Variants in TSNAXIP1 observed in about 807,000 individuals in gnomAD.
The protein encoded by TSNAXIP1 is translin-associated factor X-interacting protein 1.
A neutral mutation model predicts 84.8 loss-of-function variants in TSNAXIP1; 89 were observed. The observed-to-expected ratio is 1.05, with a 90% CI of 0.88 to 1.25. The LOEUF is 1.25. Among genes scored for constraint, TSNAXIP1 ranks in the 50% most tolerant of loss-of-function variants. The probability of loss-of-function intolerance (pLI) is 0.00; values close to 1 mark genes in which losing one functional copy is unlikely to be tolerated. For missense variants in TSNAXIP1, 874 were observed against 887.6 expected (o/e 0.98, Z 0.20); for synonymous variants, 347 against 335.2 (o/e 1.04, Z -0.39).
rs932174373 is a variant in TSNAXIP1 at position 67,806,971 on chromosome 16, C to A, written c.-179C>A. 2 of 986,946 alleles carry A rather than the reference C, an allele frequency of 2.0e-6. No individual in the cohort carries two copies. Among genetic ancestry groups the A allele is most frequent in the South Asian group, 3.4e-5 (2 of 58,424 alleles). The allele number at this position is 986,946 out of a possible 1,614,324, so 61.1% of individuals were successfully genotyped here. A position where few individuals can be genotyped will look rare whatever the true frequency, so the allele number is the denominator to read the frequency against. On this transcript the variant is annotated 5_prime_UTR_variant, in exon 1 of 16. Transcript: ENST00000561639. ...AGGGCACCCGCTGCCGGGTCCCAGT[C>A]CACCTTTGCTACTTTGTCCTACTCC... is the stretch of plus-strand genomic sequence containing the variant.
rs2056997013 is a variant in TSNAXIP1, at chr16:67,820,949, A to G, written c.258A>G (p.Val86=). The part of the protein sequence containing the change: ...KPCSDDYRKR[V]GSCQQHPFRT... ...GTTCAGATGACTACCGGAAGCGAGT[A>G]GGGTAAGCCAGGGTCAGTCCCATGG... Residue 86 remains valine (V), a splice_region_variant and synonymous_variant, in exon 3 of 16, where the codon GTA becomes GTG. Transcript: ENST00000561639. 1.3e-6 allele frequency: 2 copies of G among 1,593,828 alleles called. No individual in the cohort carries two copies. Among genetic ancestry groups the G allele is most frequent in the Admixed American group, 1.8e-5 (1 of 57,096 alleles).
intron 1 of TSNAXIP1, among the ~76,000 whole-genome samples, chr16:67,813,731 CAA>C (rs373627128): frequency 1.7e-4 from 7 of 41,204 alleles, no homozygotes; most frequent in Non-Finnish European, 1.8e-4. Context: ...GACTCCGTCT[CAA>C]AAAAAAAAAA....
rs757727518 is a variant in TSNAXIP1, at chr16:67,827,620, C to A, written c.1898+41C>A. Reference sequence around the variant, plus strand: ...CCATAGGCGAGTCCCACAGGCTGGGCCCCTGAAGCCCCTGGGTCTCCCTGT... The same window carrying A: ...CCATAGGCGAGTCCCACAGGCTGGGACCCTGAAGCCCCTGGGTCTCCCTGT... On this transcript the variant is annotated intron_variant, in intron 15 of 15. Coordinates refer to ENST00000561639, the MANE Select transcript of TSNAXIP1 (RefSeq NM_001288990.3). The A allele has an allele frequency of 5.0e-6, 8 of 1,611,660 alleles. No homozygotes were observed. The South Asian group carries it at 6.6e-5, about 13-fold the overall frequency.
At position 67,826,805 on chromosome 16, in the gene TSNAXIP1, C is replaced by T. The variant is rs201849676; in HGVS notation, c.1515C>T (p.Asn505=). The T allele has an allele frequency of 1.7e-5, 27 of 1,613,872 alleles. No homozygotes were observed. The African/African-American group carries it at 2.3e-4, about 14-fold the overall frequency. The change falls in exon 12 of 16, where the codon AAC becomes AAT. Residue 505 remains asparagine (N), a synonymous_variant. Coordinates refer to ENST00000561639, the MANE Select transcript of TSNAXIP1 (RefSeq NM_001288990.3). The stretch of plus-strand genomic sequence containing the variant: ...AAAATATCAAGATCTTCCACTCCAA[C>T]GAGGTTATGAGTCAGTTCTATGCAG... The part of the protein sequence containing the change: ...IFENIKIFHS[N]EVMSQFYAVL...
rs2057404898 is a variant in TSNAXIP1 at position 67,825,925 on chromosome 16, CCT to C, written c.994_995del (p.Leu332GlufsTer12). ...NKDLQEQLDT[L>X]RASYEEVRKE... ...AATGTCCTTGCCCACAGCTGGACAC[CCT>C]GAGAGCCAGCTACGAGGAGGTTCGC... On this transcript the variant is annotated frameshift_variant, in exon 9 of 16. Coordinates refer to ENST00000561639, the MANE Select transcript of TSNAXIP1 (RefSeq NM_001288990.3). LOFTEE classifies it high-confidence loss of function. 6.2e-7 allele frequency: 1 copy of C among 1,614,048 alleles called. No individual in the cohort carries two copies. The highest frequency in any genetic ancestry group is 8.5e-7 in the Non-Finnish European group (1 of 1,180,018).
rs200207521 is a variant in TSNAXIP1 at position 67,826,772 on chromosome 16, T to G, written c.1482T>G (p.Thr494=). The G allele has an allele frequency of 1.4e-5, 22 of 1,614,084 alleles. No individual in the cohort carries two copies. The highest frequency in any genetic ancestry group is 1.8e-5 in the Non-Finnish European group (21 of 1,180,050). The change falls in exon 12 of 16, where the codon ACT becomes ACG. Residue 494 remains threonine (T), a synonymous_variant. Transcript: ENST00000561639. ...GTGATGCCATGGCCTGGGCTTATACTATTTTTGAAAATATCAAGATCTTCC... is the reference window on the plus strand; with the variant it reads ...GTGATGCCATGGCCTGGGCTTATACGATTTTTGAAAATATCAAGATCTTCC... The part of the protein sequence containing the change: ...GPSDAMAWAY[T]IFENIKIFHS...
chr16:67,822,375 G>T (rs1430034994), intron 4 of TSNAXIP1, among the ~76,000 whole-genome samples: 1 of 152,110 alleles, frequency 6.6e-6, no homozygotes, highest in African/African-American at 2.4e-5. Flanking sequence ...ACCTGAGTCA[G>T]GTGGCCTGGA....
intron 2 of TSNAXIP1, among the ~76,000 whole-genome samples, chr16:67,817,394 C>G (rs2056659504): frequency 6.7e-6 from 1 of 149,798 alleles, no homozygotes; most frequent in South Asian, 2.1e-4. Flanking sequence ...GATCCACCCG[C>G]CTCGGCCTCC....
chr16:67,817,960 C>T (rs1209102416), intron 2 of TSNAXIP1, among the ~76,000 whole-genome samples: 3 of 151,582 alleles, frequency 2.0e-5, no homozygotes, highest in African/African-American at 7.3e-5. Context: ...CCTGTAATCC[C>T]AGCATTTTGG....
chr16:67,823,871 T>A, intron 5 of TSNAXIP1, 152 bp downstream of exon 5: 1 of 562,954 alleles, frequency 1.8e-6, no homozygotes, highest in Admixed American at 3.0e-5. Context: ...ACAAAAAAAT[T>A]AGCTGCGCAT....
At chr16:67,811,858 A>G (rs1302485682) in intron 1 of TSNAXIP1, among the ~76,000 whole-genome samples, 1 of 151,672 alleles carries the variant, frequency 6.6e-6, no homozygotes, top group Non-Finnish European at 1.5e-5. Flanking sequence ...CTGGGCAGAC[A>G]CTCTTCCTTC....
chr16:67,816,035 C>G (rs1223094732), intron 2 of TSNAXIP1, among the ~76,000 whole-genome samples: 2 of 143,588 alleles, frequency 1.4e-5, no homozygotes, highest in Non-Finnish European at 3.0e-5. Context: ...GTGACGCAAT[C>G]TCGGCTCACT....
At position 67,806,950 on chromosome 16, in the gene TSNAXIP1, C is replaced by A. The variant is rs750560639; in HGVS notation, c.-200C>A. On this transcript the variant is annotated 5_prime_UTR_variant, in exon 1 of 16. Coordinates refer to ENST00000561639, the MANE Select transcript of TSNAXIP1 (RefSeq NM_001288990.3). ...CGGCTGTAGTGGTTGACTCTCAGGGCACCCGCTGCCGGGTCCCAGTCCACC... is the reference window on the plus strand; with the variant it reads ...CGGCTGTAGTGGTTGACTCTCAGGGAACCCGCTGCCGGGTCCCAGTCCACC... The A allele has an allele frequency of 3.8e-6, 3 of 794,422 alleles. No homozygotes were observed. Among genetic ancestry groups the A allele is most frequent in the Non-Finnish European group, 5.8e-6 (3 of 515,676 alleles). The allele number at this position is 794,422 out of a possible 1,614,324, so 49.2% of individuals were successfully genotyped here.
Position 67,827,994 on chromosome 16 carries a change from G to C in TSNAXIP1, c.*1G>C, listed in dbSNP as rs1259889512. On this transcript the variant is annotated 3_prime_UTR_variant, in exon 16 of 16. Transcript: ENST00000561639. ...TCGAGAGCCAGAGCCTGCAAGCTAGGAACTTGTGGGCAGCCTGCGTACTCC... is the reference window on the plus strand; with the variant it reads ...TCGAGAGCCAGAGCCTGCAAGCTAGCAACTTGTGGGCAGCCTGCGTACTCC... 1.9e-6 allele frequency: 3 copies of C among 1,612,442 alleles called. No homozygotes were observed. The highest frequency in any genetic ancestry group is 2.2e-5 in the East Asian group (1 of 44,850).
Position 67,826,512 on chromosome 16 carries a change from G to T in TSNAXIP1, c.1351G>T (p.Val451Leu), listed in dbSNP as rs562641068. 6.2e-7 allele frequency: 1 copy of T among 1,614,160 alleles called. No individual in the cohort carries two copies. The highest frequency in any genetic ancestry group is 1.3e-5 in the African/African-American group (1 of 75,038). The change falls in exon 11 of 16, where the codon GTG (valine) becomes TTG (leucine). Residue 451 changes from valine to leucine, a missense_variant. By Grantham distance (32) the Val-to-Leu change is conservative. Coordinates refer to ENST00000561639, the MANE Select transcript of TSNAXIP1 (RefSeq NM_001288990.3). ...VENKKPSKKD[V>L]VNLLKDAWKE... ...GAACAAGAAGCCAAGCAAGAAGGAC[G>T]TGGTCAACCTCCTCAAGGATGCCTG...
rs2055499937 is a variant in TSNAXIP1, at chr16:67,807,063, T to G, written c.-87T>G. On this transcript the variant is annotated 5_prime_UTR_variant, in exon 1 of 16. Transcript: ENST00000561639. ...ACTCCGCCCCCGCCGCGGGGGGGCC[T>G]CTGGGGCCTGGTCGCCATGGCGACC... 4.0e-6 allele frequency: 6 copies of G among 1,507,240 alleles called. No homozygotes were observed. The highest frequency in any genetic ancestry group is 4.4e-6 in the Non-Finnish European group (5 of 1,130,792). The allele number at this position is 1,507,240 out of a possible 1,614,324, so 93.4% of individuals were successfully genotyped here.
At chr16:67,811,099 C>G (rs1012108764) in intron 1 of TSNAXIP1, among the ~76,000 whole-genome samples, 54 of 151,988 alleles carry the variant, frequency 3.6e-4, no homozygotes, top group Non-Finnish European at 5.9e-5. Context: ...GCTGGGATTA[C>G]AGGCGTGAGC....
rs150816520 is a variant in TSNAXIP1, at chr16:67,812,463, C to T, written c.48-1839C>T. On this transcript the variant is annotated intron_variant, in intron 1 of 15. Coordinates refer to ENST00000561639, the MANE Select transcript of TSNAXIP1 (RefSeq NM_001288990.3). ...CGGGCAGATCACGAGGTCAGGAGAT[C>T]GAGACCATCCTGGCCAACATGGTGA... 3.3e-3 allele frequency among the ~76,000 whole-genome samples: 496 copies of T among 148,736 alleles called. 2 individuals carry two copies. Among genetic ancestry groups the T allele is most frequent in the African/African-American group, 0.011 (457 of 40,146 alleles).
chr16:67,822,587 A>T (rs2057148132), intron 4 of TSNAXIP1, among the ~76,000 whole-genome samples: 1 of 152,004 alleles, frequency 6.6e-6, no homozygotes, highest in East Asian at 1.9e-4. Flanking sequence ...AGAGAGAGAG[A>T]GAGATCAGAT....
Sources: gnomAD v4.1 joint callset for allele counts (sites outside exome capture counted in the v4.1 genomes callset) on GRCh38, gnomAD v4.1.1 for gene constraint, MANE v1.5 for transcripts, NCBI Gene and HGNC (gene_info 2026-07-23, HGNC 2026-07-21) for gene names.